Variants in YIPF1 observed in about 807,000 individuals in gnomAD.
YIPF1 encodes Yip1 domain family member 1, also known as protein YIPF1.
YIPF1 carries 22 observed loss-of-function variants against 37.0 expected under a neutral mutation model. The ratio of observed to expected loss-of-function variants is 0.59; its 90% CI spans 0.42 to 0.85. YIPF1 has a LOEUF of 0.85. YIPF1 is among the 40% of genes least tolerant of loss of function. The pLI is 0.00. For synonymous variants in YIPF1, 128 were observed against 131.9 expected, an observed-to-expected ratio of 0.97 and a Z score of 0.21; for missense variants, 355 against 373.1, an observed-to-expected ratio of 0.95 and a Z score of 0.40.
At chr1:53,878,784 G>T in intron 4 of YIPF1, 62 bp from the exon 5 acceptor site, 1 of 1,467,054 alleles carries the variant, frequency 6.8e-7, no homozygotes. Flanking sequence ...CAGCTGCGTG[G>T]GGTGCAGGAG....
intron 10 of YIPF1, among the ~76,000 whole-genome samples, chr1:53,858,338 C>G (rs1649777905): frequency 6.6e-6 from 1 of 152,132 alleles, no homozygotes; most frequent in Non-Finnish European, 1.5e-5. Flanking sequence ...AACCTGGATT[C>G]CTCAACTAAG....
At chr1:53,885,194 T>C (rs1293494701) in intron 3 of YIPF1, among the ~76,000 whole-genome samples, 2 of 152,176 alleles carry the variant, frequency 1.3e-5, no homozygotes, top group East Asian at 3.8e-4. Context: ...TTGAGGATGA[T>C]GAAATAATAA....
chr1:53,870,354 G>C (rs948512721), intron 7 of YIPF1, among the ~76,000 whole-genome samples: 2 of 148,724 alleles, frequency 1.3e-5, no homozygotes, highest in Non-Finnish European at 3.0e-5. Context: ...TTAGTTTTTA[G>C]TTTTAGAGAC....
chr1:53,852,568 C>G (rs1649622836), intron 10 of YIPF1, among the ~76,000 whole-genome samples: 1 of 152,178 alleles, frequency 6.6e-6, no homozygotes, highest in Non-Finnish European at 1.5e-5. Context: ...TTCTCTCTTT[C>G]TCTTCTCCGT....
intron 6 of YIPF1, among the ~76,000 whole-genome samples, chr1:53,872,869 G>A (rs528256270): frequency 6.6e-6 from 1 of 152,254 alleles, no homozygotes; most frequent in Admixed American, 6.5e-5. Context: ...TTCTGCTGTA[G>A]ACAAGGACTA....
intron 4 of YIPF1, 159 bp downstream of exon 4, chr1:53,882,954 G>T: frequency 1.4e-6 from 1 of 709,788 alleles, no homozygotes; most frequent in African/African-American, 1.9e-5. Flanking sequence ...GAAAGTAATG[G>T]TCTGTTTGCC....
At chr1:53,858,727 C>T (rs1442330857) in intron 10 of YIPF1, among the ~76,000 whole-genome samples, 1 of 152,086 alleles carries the variant, frequency 6.6e-6, no homozygotes, top group Non-Finnish European at 1.5e-5. Context: ...CTCCATCTCC[C>T]AGGCTCAAGT....
At chr1:53,862,244 A>T (rs913075547) in intron 9 of YIPF1, among the ~76,000 whole-genome samples, 10 of 152,228 alleles carry the variant, frequency 6.6e-5, no homozygotes, top group African/African-American at 2.2e-4. Flanking sequence ...CCAAGGCTAG[A>T]CAACTATGTG....
At chr1:53,869,223 G>A (rs1464756440) in intron 7 of YIPF1, among the ~76,000 whole-genome samples, 1 of 151,168 alleles carries the variant, frequency 6.6e-6, no homozygotes, top group Non-Finnish European at 1.5e-5. Flanking sequence ...TACACACAGT[G>A]AACTAGCTGA....
intron 3 of YIPF1, among the ~76,000 whole-genome samples, chr1:53,888,579 T>C (rs1315225986): frequency 2.0e-5 from 3 of 152,234 alleles, no homozygotes; most frequent in Non-Finnish European, 4.4e-5. Flanking sequence ...TTCATCTTTT[T>C]GTCTCCAGTA....
At chr1:53,853,989 C>T (rs923344117) in intron 10 of YIPF1, among the ~76,000 whole-genome samples, 4 of 152,160 alleles carry the variant, frequency 2.6e-5, no homozygotes, top group Non-Finnish European at 5.9e-5. Flanking sequence ...GTGACTCATG[C>T]CTGTAATCCC....
chr1:53,871,367 C>T lies in YIPF1; in HGVS notation c.481+5G>A, dbSNP rs1462945070. 3 of 1,612,570 alleles carry T rather than the reference C, an allele frequency of 1.9e-6. No individual in the cohort carries two copies. The highest frequency in any genetic ancestry group is 1.1e-5 in the South Asian group (1 of 90,884). ...CATTCCAAATGAGTCAAGCTATTCACCAACCTTTTCGGAATTCGGGCACAT... is the reference window on the plus strand; with the variant it reads ...CATTCCAAATGAGTCAAGCTATTCATCAACCTTTTCGGAATTCGGGCACAT... On this transcript the variant is annotated splice_donor_5th_base_variant and intron_variant, in intron 7 of 10. Coordinates refer to ENST00000072644, the MANE Select transcript of YIPF1 (RefSeq NM_018982.5).
intron 10 of YIPF1, among the ~76,000 whole-genome samples, chr1:53,855,900 C>T (rs561967160): frequency 6.6e-4 from 100 of 152,272 alleles, no homozygotes; most frequent in African/African-American, 2.4e-3. Context: ...GTGTTCTAAG[C>T]TAAGCCTTCC....
chr1:53,879,923 G>A (rs1197339577), intron 4 of YIPF1, among the ~76,000 whole-genome samples: 7 of 151,986 alleles, frequency 4.6e-5, no homozygotes, highest in South Asian at 2.1e-4. Flanking sequence ...GGAGCAGCAC[G>A]GAGACAAAGG....
chr1:53,862,037 C>T (rs766016077), intron 9 of YIPF1, among the ~76,000 whole-genome samples: 1 of 152,106 alleles, frequency 6.6e-6, no homozygotes, highest in African/African-American at 2.4e-5. Context: ...TCTCTTAGGG[C>T]CATTCCTTGA....
At chr1:53,871,012 CAAAAAAAAAAAAA>C (rs57949076) in intron 7 of YIPF1, among the ~76,000 whole-genome samples, 2 of 65,250 alleles carry the variant, frequency 3.1e-5, no homozygotes, top group East Asian at 8.9e-4. Context: ...GTCACTGTCT[CAAAAAAAAAAAAA>C]AAAAAAAAAA....
chr1:53,857,345 A>C (rs978352557), intron 10 of YIPF1, among the ~76,000 whole-genome samples: 80 of 152,236 alleles, frequency 5.3e-4, no homozygotes, highest in Non-Finnish European at 4.3e-4. Context: ...ATAGATAATT[A>C]ATACAGCACG....
chr1:53,856,367 G>A (rs930513333), intron 10 of YIPF1, among the ~76,000 whole-genome samples: 2 of 152,210 alleles, frequency 1.3e-5, no homozygotes, highest in Non-Finnish European at 2.9e-5. Flanking sequence ...GGGGCAGGTT[G>A]AGAGAGACCC....
At chr1:53,869,722 C>T (rs1206165711) in intron 7 of YIPF1, among the ~76,000 whole-genome samples, 1 of 152,162 alleles carries the variant, frequency 6.6e-6, no homozygotes, top group Non-Finnish European at 1.5e-5. Flanking sequence ...TCTCTAAAAG[C>T]TGTTTTGTTT....
Sources: allele counts gnomAD v4.1 joint callset (sites outside exome capture counted in the v4.1 genomes callset), GRCh38; gene constraint gnomAD v4.1.1; transcripts MANE v1.5; gene names NCBI Gene and HGNC (gene_info 2026-07-23, HGNC 2026-07-21).